The following COG8 variants were observed in gnomAD, a reference collection of about 807,000 sequenced individuals.
COG8 encodes conserved oligomeric Golgi complex subunit 8.
Under a neutral mutation model 46.5 loss-of-function variants are expected in COG8, and 45 were observed. The observed-to-expected ratio is 0.97, with a 90% confidence interval of 0.76 to 1.24. The LOEUF (loss-of-function observed/expected upper bound fraction) is 1.24, where lower values mean the gene tolerates loss of function less well. COG8 is among the 50% of genes most tolerant of loss of function. COG8 has a pLI of 0.00. For synonymous variants in COG8, 407 were observed against 347.8 expected (o/e 1.17, Z -1.90); for missense variants, 793 against 820.8 (o/e 0.97, Z 0.41).
rs117902798 is a variant in COG8, at chr16:69,334,211, G to A, written c.1413+310C>T. ...CCGGTTGTGCTGTGCCTGGACTCCT[G>A]ACCCACCAAAACTGGAAGGTAATAA... On this transcript the variant is annotated intron_variant, in intron 3 of 5. Coordinates refer to ENST00000306875, the MANE Select transcript of COG8 (RefSeq NM_032382.5). Among the ~76,000 whole-genome samples, 1,551 of 152,298 alleles carry A rather than the reference G, an allele frequency of 0.01. 15 individuals are homozygous for A. The highest frequency in any genetic ancestry group is 0.015 in the South Asian group (71 of 4,824).
At chr16:69,330,451 C>T (rs1418806174) in intron 5 of COG8, 4 of 1,472,886 alleles carry the variant, frequency 2.7e-6, no homozygotes, top group Non-Finnish European at 3.6e-6. Flanking sequence ...GCGCCGGGCC[C>T]TCGACGCCGT....
At position 69,335,366 on chromosome 16, in the gene COG8, G is replaced by A. The variant is rs1386303415; in HGVS notation, c.586-18C>T. Reference sequence around the variant, plus strand: ...ACGATGCCCTGACAATACACAGAGAGAGTCACACTGCGCTGGGAAGGATGC... The same window carrying A: ...ACGATGCCCTGACAATACACAGAGAAAGTCACACTGCGCTGGGAAGGATGC... On this transcript the variant is annotated intron_variant, in intron 2 of 5. Coordinates refer to ENST00000306875, the MANE Select transcript of COG8 (RefSeq NM_032382.5). 2 of 1,564,578 alleles carry A rather than the reference G, an allele frequency of 1.3e-6. No individual in the cohort carries two copies. The highest frequency in any genetic ancestry group is 1.8e-5 in the Admixed American group (1 of 55,082).
At position 69,329,187 on chromosome 16, in the gene COG8, G is replaced by A; in HGVS notation, c.*27-8C>T. ...CTCCATTGGGGTCCAGCCCTGCAAA[G>A]GAAGTTACAGCCCTGGTGAGTGGGA... On this transcript the variant is annotated splice_region_variant and splice_polypyrimidine_tract_variant and intron_variant, in intron 5 of 5. Transcript: ENST00000306875. 1.3e-6 allele frequency: 2 copies of A among 1,585,628 alleles called. No homozygotes were observed. Among genetic ancestry groups the A allele is most frequent in the African/African-American group, 1.4e-5 (1 of 73,300 alleles).
chr16:69,329,988 C>T, intron 5 of COG8: 2 of 1,524,886 alleles, frequency 1.3e-6, no homozygotes, highest in Non-Finnish European at 8.8e-7. Context: ...CGGTCCCCGC[C>T]GCCCGCACCT....
chr16:69,330,718 T>C, intron 5 of COG8, 95 bp downstream of exon 5: 1 of 1,412,844 alleles, frequency 7.1e-7, no homozygotes, highest in South Asian at 1.5e-5. Flanking sequence ...CCCCTTCCGC[T>C]CTCCTCCCGG....
intron 5 of COG8, chr16:69,330,315 G>A: frequency 1.4e-6 from 2 of 1,441,716 alleles, no homozygotes; most frequent in Non-Finnish European, 1.8e-6. Context: ...CCGCCTAGCT[G>A]CGCCCGCTCC....
At position 69,334,905 on chromosome 16, in the gene COG8, G is replaced by C. The variant is rs2012105578; in HGVS notation, c.1029C>G (p.Asp343Glu). 6.2e-7 allele frequency: 1 copy of C among 1,614,176 alleles called. No individual in the cohort carries two copies. Among genetic ancestry groups the C allele is most frequent in the Middle Eastern group, 1.6e-4 (1 of 6,062 alleles). The change falls in exon 3 of 6, where the codon GAC (aspartate) becomes GAG (glutamate). Residue 343 changes from aspartate to glutamate, a missense_variant. By Grantham distance (45) the Asp-to-Glu change is conservative. Coordinates refer to ENST00000306875, the MANE Select transcript of COG8 (RefSeq NM_032382.5). The part of the protein sequence containing the change: ...DLYRGIGGHL[D>E]SLLGQCMYFG... The stretch of plus-strand genomic sequence containing the variant: ...AGTACATGCACTGGCCCAGCAGAGA[G>C]TCCAGGTGGCCGCCTATGCCCCGGT...
chr16:69,335,604 G>A (rs371924093), intron 2 of COG8, among the ~76,000 whole-genome samples: 21 of 152,212 alleles, frequency 1.4e-4, no homozygotes, highest in African/African-American at 4.3e-4. Context: ...GTCACTTGAG[G>A]TCAGGAGTTT....
rs376335533 is a variant in COG8 at position 69,332,899 on chromosome 16, C to G, written c.1414-17G>C. On this transcript the variant is annotated splice_polypyrimidine_tract_variant and intron_variant, in intron 3 of 5. Transcript: ENST00000306875. ...TTTAGTTACCTAAGAGACAAGGGCA[C>G]CGTCAATTACTGGGACAGCCTATCA... 14 of 1,613,780 alleles carry G rather than the reference C, an allele frequency of 8.7e-6. No homozygotes were observed. Among genetic ancestry groups the G allele is most frequent in the Non-Finnish European group, 1.2e-5 (14 of 1,179,872 alleles).
chr16:69,335,398 G>C (rs2012154750), intron 2 of COG8, 50 bp from the exon 3 acceptor site: 4 of 1,436,682 alleles, frequency 2.8e-6, no homozygotes, highest in Non-Finnish European at 3.8e-6. Flanking sequence ...ATGCTCTCTA[G>C]AACCCATTCC....
chr16:69,332,907 TACTGGGACAGCCTATCACC>T lies in COG8; in HGVS notation c.1414-44_1414-26del, dbSNP rs777359459. On this transcript the variant is annotated intron_variant, in intron 3 of 5. Transcript: ENST00000306875. ...CCTAAGAGACAAGGGCACCGTCAAT[TACTGGGACAGCCTATCACC>T]ACTGGGACAGCAGTGCATGAAACTA... is the stretch of plus-strand genomic sequence containing the variant. The T allele has an allele frequency of 4.1e-5, 66 of 1,613,500 alleles. No individual in the cohort carries two copies. In the East Asian group the frequency reaches 1.4e-3, roughly 34 times the overall value.
At chr16:69,337,528 C>T (rs1411345035) in intron 1 of COG8, among the ~76,000 whole-genome samples, 5 of 152,180 alleles carry the variant, frequency 3.3e-5, no homozygotes, top group Non-Finnish European at 7.3e-5. Context: ...AATGTTCAAC[C>T]ATAGTTCCTG....
Position 69,338,998 on chromosome 16 carries a change from A to C in COG8, c.377+178T>G. 1.4e-5 allele frequency: 12 copies of C among 869,578 alleles called. No individual in the cohort carries two copies. The South Asian group carries it at 2.1e-4, about 15-fold the overall frequency. 53.9% of individuals were successfully genotyped at this position (869,578 alleles called of 1,614,324 possible). ...ACAGGGCGAGACTCCGTCTCAAAAA[A>C]GATAAAAAAGGAATAACAGTACCTA... On this transcript the variant is annotated intron_variant, in intron 1 of 5. Coordinates refer to ENST00000306875, the MANE Select transcript of COG8 (RefSeq NM_032382.5).
chr16:69,332,481 A>G, intron 4 of COG8: 1 of 613,602 alleles, frequency 1.6e-6, no homozygotes, highest in Non-Finnish European at 2.9e-6. Flanking sequence ...TTCCATTTTT[A>G]TGAAATGTCC....
rs753873449 is a variant in COG8, at chr16:69,329,092, C to T, written c.*114G>A. 1 of 1,611,894 alleles carries T rather than the reference C, an allele frequency of 6.2e-7. No individual in the cohort carries two copies. The highest frequency in any genetic ancestry group is 8.5e-7 in the Non-Finnish European group (1 of 1,179,538). ...GTCCATTTTGTCAATAAACAGGCAG[C>T]CCTGCAGGTGGTCCATCTCGTGCTG... On this transcript the variant is annotated 3_prime_UTR_variant, in exon 6 of 6. Transcript: ENST00000306875.
intron 3 of COG8, among the ~76,000 whole-genome samples, chr16:69,333,468 C>A (rs1597223255): frequency 6.6e-6 from 1 of 152,150 alleles, no homozygotes; most frequent in Non-Finnish European, 1.5e-5. Flanking sequence ...GCGCCCGGCC[C>A]AATACATGGT....
At chr16:69,335,476 C>G (rs1324192735) in intron 2 of COG8, 128 bp from the exon 3 acceptor site, 2 of 820,090 alleles carry the variant, frequency 2.4e-6, no homozygotes, top group African/African-American at 1.7e-5. Flanking sequence ...TTTCCTAAAG[C>G]TGATGCCTGT....
chr16:69,336,417 A>G (rs1380007420), intron 2 of COG8, 88 bp downstream of exon 2: 2 of 1,246,410 alleles, frequency 1.6e-6, no homozygotes, highest in African/African-American at 1.5e-5. Context: ...GAAACATGCA[A>G]GAGTTTCTAC....
chr16:69,333,017 GTCTCAT>G, intron 3 of COG8, 135 bp from the exon 4 acceptor site: 1 of 791,666 alleles, frequency 1.3e-6, no homozygotes, highest in Non-Finnish European at 2.1e-6. Context: ...TTATTTTACT[GTCTCAT>G]TTAAACTCAG....
Sources: gnomAD v4.1 joint callset for allele counts (sites outside exome capture counted in the v4.1 genomes callset) on GRCh38, gnomAD v4.1.1 for gene constraint, MANE v1.5 for transcripts, NCBI Gene and HGNC (gene_info 2026-07-23, HGNC 2026-07-21) for gene names.